Variants in TSPAN31 observed in about 807,000 individuals in gnomAD.
TSPAN31 encodes tetraspanin 31.
TSPAN31 carries 16 observed loss-of-function variants against 24.8 expected under a neutral mutation model. The ratio of observed to expected loss-of-function variants is 0.64; its 90% CI spans 0.44 to 0.98. The LOEUF (loss-of-function observed/expected upper bound fraction) is 0.98. Among genes scored for constraint, TSPAN31 ranks in the 50% least tolerant of loss-of-function variants. TSPAN31 has a pLI of 0.00. For synonymous variants in TSPAN31, 87 were observed against 91.4 expected, an observed-to-expected ratio of 0.95 and a Z score of 0.27; for missense variants, 209 against 251.6, an observed-to-expected ratio of 0.83 and a Z score of 1.15.
intron 3 of TSPAN31, 28 bp downstream of exon 3, chr12:57,746,284 C>A: frequency 6.2e-7 from 1 of 1,601,820 alleles, no homozygotes; most frequent in Non-Finnish European, 8.6e-7. Context: ...CAAGTACTTA[C>A]TTGCTTTTTA....
Position 57,747,612 on chromosome 12 carries a change from C to G in TSPAN31, c.*322C>G, listed in dbSNP as rs1445972746. The G allele has an allele frequency of 1.3e-5, 3 of 238,786 alleles. No individual in the cohort carries two copies. The highest frequency in any genetic ancestry group is 1.1e-4 in the South Asian group (1 of 9,440). 14.8% of individuals were successfully genotyped at this position (238,786 alleles called of 1,614,324 possible). A position where few individuals can be genotyped will look rare whatever the true frequency, so the allele number is the denominator to read the frequency against. On this transcript the variant is annotated 3_prime_UTR_variant, in exon 6 of 6. Transcript: ENST00000257910. ...ATATACTGGATCACCTCAACATACCCTGGTGTGGCTCTAAGGGTAAATCAG... is the reference window on the plus strand; with the variant it reads ...ATATACTGGATCACCTCAACATACCGTGGTGTGGCTCTAAGGGTAAATCAG...
rs1485916544 is a variant in TSPAN31 at position 57,749,770 on chromosome 12, G to T, written c.*2480G>T. 2 of 520,684 alleles carry T rather than the reference G, an allele frequency of 3.8e-6. No homozygotes were observed. The highest frequency in any genetic ancestry group is 6.9e-6 in the Non-Finnish European group (2 of 289,172). 32.3% of individuals were successfully genotyped at this position (520,684 alleles called of 1,614,324 possible). A position where few individuals can be genotyped will look rare whatever the true frequency, so the allele number is the denominator to read the frequency against. On this transcript the variant is annotated 3_prime_UTR_variant, in exon 6 of 6. Transcript: ENST00000257910. ...TCCTAGCACTTTGGGAGTCTGATGTGGGTGGATCATGAGGTCAAGAGATCG... is the reference window on the plus strand; with the variant it reads ...TCCTAGCACTTTGGGAGTCTGATGTTGGTGGATCATGAGGTCAAGAGATCG...
chr12:57,749,172 T>A lies in TSPAN31; in HGVS notation c.*1882T>A, dbSNP rs753943406. ...ATTTCTTTCCCTGTGCCCACAGCCA[T>A]CTCCAGTACCAGCAGCAGCTGTGCT... On this transcript the variant is annotated 3_prime_UTR_variant, in exon 6 of 6. Coordinates refer to ENST00000257910, the MANE Select transcript of TSPAN31 (RefSeq NM_005981.5). The A allele has an allele frequency of 1.2e-6, 2 of 1,613,826 alleles. No individual in the cohort carries two copies. The highest frequency in any genetic ancestry group is 2.2e-5 in the South Asian group (2 of 91,082).
In TSPAN31 at chr12:57,748,219, A is replaced by AT. The variant is rs1955182063; in HGVS notation, c.*931dup. On this transcript the variant is annotated 3_prime_UTR_variant, in exon 6 of 6. Coordinates refer to ENST00000257910, the MANE Select transcript of TSPAN31 (RefSeq NM_005981.5). ...GGCAAAGCCAAACAGAGGAAGAAAC[A>AT]TTAAAAAAAAAAAAAAGACCATTAT... 1 of 386,970 alleles carries AT rather than the reference A, an allele frequency of 2.6e-6. No homozygotes were observed. Among genetic ancestry groups the AT allele is most frequent in the Non-Finnish European group, 4.8e-6 (1 of 210,074 alleles). 24.0% of individuals were successfully genotyped at this position (386,970 alleles called of 1,614,324 possible). A position where few individuals can be genotyped will look rare whatever the true frequency, so the allele number is the denominator to read the frequency against.
At chr12:57,745,704 A>T in intron 1 of TSPAN31, 41 bp from the exon 2 acceptor site, 3 of 1,611,972 alleles carry the variant, frequency 1.9e-6, no homozygotes, top group Non-Finnish European at 2.5e-6. Context: ...GCTGTGCCGC[A>T]TGCTAGAATT....
Position 57,749,443 on chromosome 12 carries a change from T to G in TSPAN31, c.*2153T>G. 3 of 1,614,158 alleles carry G rather than the reference T, an allele frequency of 1.9e-6. No homozygotes were observed. The highest frequency in any genetic ancestry group is 2.5e-6 in the Non-Finnish European group (3 of 1,179,970). On this transcript the variant is annotated 3_prime_UTR_variant, in exon 6 of 6. Transcript: ENST00000257910. ...AATAGAAAATCTTTTTCTCCCATGTTGGTCACTTACTCAAAGATTTTGCCC... is the reference window on the plus strand; with the variant it reads ...AATAGAAAATCTTTTTCTCCCATGTGGGTCACTTACTCAAAGATTTTGCCC...
intron 2 of TSPAN31, 61 bp downstream of exon 2, chr12:57,745,973 G>A: frequency 6.5e-7 from 1 of 1,545,916 alleles, no homozygotes; most frequent in East Asian, 2.2e-5. Flanking sequence ...ATCTAAGGAA[G>A]ATGTTAGAAG....
In TSPAN31 at chr12:57,749,784, G is replaced by A. The variant is rs180871342; in HGVS notation, c.*2494G>A. On this transcript the variant is annotated 3_prime_UTR_variant, in exon 6 of 6. Transcript: ENST00000257910. Reference sequence around the variant, plus strand: ...GAGTCTGATGTGGGTGGATCATGAGGTCAAGAGATCGAGACCATCCTGGCC... The same window carrying A: ...GAGTCTGATGTGGGTGGATCATGAGATCAAGAGATCGAGACCATCCTGGCC... The A allele has an allele frequency of 5.8e-4, 289 of 496,830 alleles. 1 individual carries two copies. The highest frequency in any genetic ancestry group is 2.2e-4 in the Non-Finnish European group (61 of 274,112). 30.8% of individuals were successfully genotyped at this position (496,830 alleles called of 1,614,324 possible). A position where few individuals can be genotyped will look rare whatever the true frequency, so the allele number is the denominator to read the frequency against.
rs1470551457 is a variant in TSPAN31, at chr12:57,748,839, G to A, written c.*1549G>A. ...TCCTATCTCAGCCTCCCAAGTAGCT[G>A]AGATTACAGGCGTGTGCCACCACCC... On this transcript the variant is annotated 3_prime_UTR_variant, in exon 6 of 6. Transcript: ENST00000257910. 1 of 560,296 alleles carries A rather than the reference G, an allele frequency of 1.8e-6. No individual in the cohort carries two copies. The highest frequency in any genetic ancestry group is 3.1e-5 in the East Asian group (1 of 32,166). The allele number at this position is 560,296 out of a possible 1,614,324, so 34.7% of individuals were successfully genotyped here.
In TSPAN31 at chr12:57,745,109, CT is replaced by C. The variant is rs771504347; in HGVS notation, c.-45del. ...GTCCTGGAAGACGGTCCCCAATACC[CT>C]CCCCCCAAGTCCTTGGGACCACTTG... On this transcript the variant is annotated 5_prime_UTR_variant, in exon 1 of 6. Transcript: ENST00000257910. 8.4e-6 allele frequency: 13 copies of C among 1,549,506 alleles called. No individual in the cohort carries two copies. In the East Asian group the frequency reaches 2.8e-4, roughly 34 times the overall value.
intron 5 of TSPAN31, 24 bp from the exon 6 acceptor site, chr12:57,747,192 A>C (rs773634615): frequency 1.4e-5 from 23 of 1,613,518 alleles, no homozygotes; most frequent in Middle Eastern, 1.6e-4. Flanking sequence ...ATTGATACTT[A>C]TCTCTCTCCC....
intron 4 of TSPAN31, 136 bp downstream of exon 4, chr12:57,746,856 G>A: frequency 1.4e-6 from 2 of 1,406,792 alleles, no homozygotes; most frequent in Non-Finnish European, 2.0e-6. Context: ...CTGTGTTGGT[G>A]GGAGGTGGGG....
Position 57,749,039 on chromosome 12 carries a change from G to A in TSPAN31, c.*1749G>A, listed in dbSNP as rs1051325005. On this transcript the variant is annotated 3_prime_UTR_variant, in exon 6 of 6. Coordinates refer to ENST00000257910, the MANE Select transcript of TSPAN31 (RefSeq NM_005981.5). ...TTCTCTTCTATATCCTTCTCTGTGG[G>A]TGGCTATTTGCAGCTGTAATAAAAA... The A allele has an allele frequency of 9.6e-6, 10 of 1,038,172 alleles. No individual in the cohort carries two copies. The highest frequency in any genetic ancestry group is 1.6e-5 in the African/African-American group (1 of 63,756). The allele number at this position is 1,038,172 out of a possible 1,614,324, so 64.3% of individuals were successfully genotyped here. A position where few individuals can be genotyped will look rare whatever the true frequency, so the allele number is the denominator to read the frequency against.
In TSPAN31 at chr12:57,748,955, C is replaced by T. The variant is rs946845786; in HGVS notation, c.*1665C>T. The T allele has an allele frequency of 1.5e-5, 9 of 610,160 alleles. No homozygotes were observed. In the African/African-American group the frequency reaches 1.7e-4, roughly 11 times the overall value. The allele number at this position is 610,160 out of a possible 1,614,324, so 37.8% of individuals were successfully genotyped here. A position where few individuals can be genotyped will look rare whatever the true frequency, so the allele number is the denominator to read the frequency against. Reference sequence around the variant, plus strand: ...TCCTGACCTCAGGTGATACGCCCACCTTGGCCTCCCAAAGTGCTGGGATTA... The same window carrying T: ...TCCTGACCTCAGGTGATACGCCCACTTTGGCCTCCCAAAGTGCTGGGATTA... On this transcript the variant is annotated 3_prime_UTR_variant, in exon 6 of 6. Coordinates refer to ENST00000257910, the MANE Select transcript of TSPAN31 (RefSeq NM_005981.5).
In TSPAN31 at chr12:57,748,708, C is replaced by CTTCTTTTT; in HGVS notation, c.*1420_*1421insCTTTTTTT. The CTTCTTTTT allele has an allele frequency of 1.4e-6, 1 of 693,632 alleles. No individual in the cohort carries two copies. The highest frequency in any genetic ancestry group is 2.5e-6 in the Non-Finnish European group (1 of 403,558). 43.0% of individuals were successfully genotyped at this position (693,632 alleles called of 1,614,324 possible). On this transcript the variant is annotated 3_prime_UTR_variant, in exon 6 of 6. Coordinates refer to ENST00000257910, the MANE Select transcript of TSPAN31 (RefSeq NM_005981.5). Reference sequence around the variant, plus strand: ...CCTGGGATGAGCTTTCTTCTTTTTTCTTTTTTTTTTTTTTTGAGACGGAGT... The same window carrying CTTCTTTTT: ...CCTGGGATGAGCTTTCTTCTTTTTTCTTCTTTTTTTTTTTTTTTTTTTTGAGACGGAGT...
chr12:57,745,249 G>A, intron 1 of TSPAN31, 32 bp downstream of exon 1: 1 of 1,602,476 alleles, frequency 6.2e-7, no homozygotes, highest in South Asian at 1.1e-5. Context: ...AAGCTTCAAG[G>A]CGGAAAGGCC....
At chr12:57,745,289 G>A in intron 1 of TSPAN31, 72 bp downstream of exon 1, 1 of 1,518,398 alleles carries the variant, frequency 6.6e-7, no homozygotes. Flanking sequence ...GGTACTTCCG[G>A]TGGGGAGAGG....
rs1418615505 is a variant in TSPAN31 at position 57,747,700 on chromosome 12, GA to G, written c.*413del. On this transcript the variant is annotated 3_prime_UTR_variant, in exon 6 of 6. Coordinates refer to ENST00000257910, the MANE Select transcript of TSPAN31 (RefSeq NM_005981.5). ...CTGTAATAAGCAGGATCCAGTTTGA[GA>G]AAGTTTAGCGAATATAAAAGTAAAA... 1 of 165,528 alleles carries G rather than the reference GA, an allele frequency of 6.0e-6. No individual in the cohort carries two copies. The highest frequency in any genetic ancestry group is 1.3e-5 in the Non-Finnish European group (1 of 76,936). 10.3% of individuals were successfully genotyped at this position (165,528 alleles called of 1,614,324 possible).
chr12:57,748,824 G>A lies in TSPAN31; in HGVS notation c.*1534G>A, dbSNP rs1595108246. 5.3e-6 allele frequency: 3 copies of A among 569,528 alleles called. No individual in the cohort carries two copies. The East Asian group carries it at 9.2e-5, about 17-fold the overall frequency. 35.3% of individuals were successfully genotyped at this position (569,528 alleles called of 1,614,324 possible). On this transcript the variant is annotated 3_prime_UTR_variant, in exon 6 of 6. Coordinates refer to ENST00000257910, the MANE Select transcript of TSPAN31 (RefSeq NM_005981.5). ...GAGTTGAAGTGATTCTCCTATCTCA[G>A]CCTCCCAAGTAGCTGAGATTACAGG...
Sources: allele counts gnomAD v4.1 joint callset, GRCh38; gene constraint gnomAD v4.1.1; transcripts MANE v1.5; gene names NCBI Gene and HGNC (gene_info 2026-07-23, HGNC 2026-07-21).